The following MSMO1 variants were observed in gnomAD, a reference collection of about 807,000 sequenced individuals.
MSMO1 encodes methylsterol monooxygenase 1, also known as C-4 methylsterol oxidase.
Under a neutral mutation model 30.4 loss-of-function variants are expected in MSMO1, and 18 were observed. The ratio of observed to expected loss-of-function variants is 0.59; its 90% CI spans 0.41 to 0.88. The LOEUF (loss-of-function observed/expected upper bound fraction) is 0.88, where lower values mean the gene tolerates loss of function less well. Ranked by LOEUF, MSMO1 falls within the 40% of genes least tolerant of loss-of-function variation. The probability of loss-of-function intolerance (pLI) is 0.00; values close to 1 mark genes in which losing one functional copy is unlikely to be tolerated. For missense variants in MSMO1, 284 were observed against 340.5 expected, an observed-to-expected ratio of 0.83 and a Z score of 1.31; for synonymous variants, 84 against 107.9, an observed-to-expected ratio of 0.78 and a Z score of 1.37.
intron 2 of MSMO1, among the ~76,000 whole-genome samples, chr4:165,336,292 A>G (rs777878150): frequency 6.6e-6 from 1 of 152,046 alleles, no homozygotes; most frequent in Non-Finnish European, 1.5e-5. Flanking sequence ...TCAAAGATAA[A>G]TGTACTAAAA....
At chr4:165,329,759 C>T (rs1369871099) in intron 1 of MSMO1, among the ~76,000 whole-genome samples, 1 of 151,528 alleles carries the variant, frequency 6.6e-6, no homozygotes, top group Non-Finnish European at 1.5e-5. Flanking sequence ...CTCAGCCTCC[C>T]CAGTAGGTGG....
intron 4 of MSMO1, 34 bp downstream of exon 4, chr4:165,338,812 G>A (rs376852737): frequency 7.2e-6 from 11 of 1,527,254 alleles, no homozygotes; most frequent in African/African-American, 2.8e-5. Context: ...CTTTCTGTTA[G>A]AGGCAAAATG....
chr4:165,334,299 A>G (rs1181193446), intron 2 of MSMO1, among the ~76,000 whole-genome samples: 1 of 152,224 alleles, frequency 6.6e-6, no homozygotes, highest in East Asian at 1.9e-4. Flanking sequence ...GTCATTATTG[A>G]TAACATTTCA....
In MSMO1 at chr4:165,342,773, A is replaced by C. The variant is rs1287912449; in HGVS notation, c.*827A>C. ...TTCCAAATCAAGAAAAGCCGGCACC[A>C]AGAACTTCCATTCTAATCTAGAGCT... On this transcript the variant is annotated 3_prime_UTR_variant, in exon 6 of 6. Transcript: ENST00000261507. The C allele has an allele frequency of 6.6e-6, 1 of 152,288 alleles. No homozygotes were observed. The highest frequency in any genetic ancestry group is 1.5e-5 in the Non-Finnish European group (1 of 68,084). 9.4% of individuals were successfully genotyped at this position (152,288 alleles called of 1,614,324 possible).
chr4:165,335,527 C>T (rs994229831), intron 2 of MSMO1, among the ~76,000 whole-genome samples: 1 of 152,176 alleles, frequency 6.6e-6, no homozygotes, highest in African/African-American at 2.4e-5. Flanking sequence ...ATTGTGGCTG[C>T]CGTGTTTCAC....
intron 4 of MSMO1, among the ~76,000 whole-genome samples, chr4:165,339,826 C>T (rs181422957): frequency 9.3e-4 from 141 of 152,248 alleles, no homozygotes; most frequent in African/African-American, 1.4e-3. Context: ...TGCAAGTGTG[C>T]GGCTGTCAAG....
At chr4:165,332,667 C>G (rs1457166720) in intron 1 of MSMO1, among the ~76,000 whole-genome samples, 1 of 152,212 alleles carries the variant, frequency 6.6e-6, no homozygotes, top group Admixed American at 6.5e-5. Flanking sequence ...ATTTGCTACT[C>G]AGGCTAAAAG....
At chr4:165,328,340 A>G (rs1186683562) in intron 1 of MSMO1, among the ~76,000 whole-genome samples, 1 of 152,198 alleles carries the variant, frequency 6.6e-6, no homozygotes, top group African/African-American at 2.4e-5. Flanking sequence ...AGAGTGAAGA[A>G]GTCTGGAAGG....
intron 1 of MSMO1, among the ~76,000 whole-genome samples, chr4:165,331,931 G>GC (rs202172922): frequency 1.7e-4 from 25 of 147,454 alleles, no homozygotes; most frequent in African/African-American, 6.4e-4. Context: ...CTACCCCGCC[G>GC]CGCTCTGTCT....
At chr4:165,333,256 A>T (rs1747447977) in intron 1 of MSMO1, 84 bp from the exon 2 acceptor site, 1 of 1,141,464 alleles carries the variant, frequency 8.8e-7, no homozygotes. Flanking sequence ...TCATTTTTAA[A>T]ATGATCAGAG....
intron 1 of MSMO1, among the ~76,000 whole-genome samples, chr4:165,331,670 A>G (rs550919653): frequency 1.3e-4 from 20 of 152,290 alleles, no homozygotes; most frequent in African/African-American, 4.8e-4. Context: ...GGGGAAGGGG[A>G]CTTTTAAAGC....
At chr4:165,333,200 C>T in intron 1 of MSMO1, 140 bp from the exon 2 acceptor site, 2 of 589,006 alleles carry the variant, frequency 3.4e-6, no homozygotes, top group Non-Finnish European at 5.7e-6. Context: ...CATTTGTACT[C>T]CTTTAGTAAT....
chr4:165,331,505 A>G (rs921122286), intron 1 of MSMO1, among the ~76,000 whole-genome samples: 1 of 142,778 alleles, frequency 7.0e-6, no homozygotes, highest in Non-Finnish European at 1.6e-5. Context: ...GTAATGACAC[A>G]GGATGGAACA....
intron 3 of MSMO1, among the ~76,000 whole-genome samples, chr4:165,338,173 A>G (rs1287686421): frequency 1.3e-5 from 2 of 151,964 alleles, no homozygotes; most frequent in Non-Finnish European, 1.5e-5. Context: ...CGTCTTTTGT[A>G]TGTTTATATA....
chr4:165,333,201 C>G lies in MSMO1; in HGVS notation c.-31-139C>G, dbSNP rs3775318. On this transcript the variant is annotated intron_variant, in intron 1 of 5. Coordinates refer to ENST00000261507, the MANE Select transcript of MSMO1 (RefSeq NM_006745.5). ...AAATGGTGTAAAACCATTTGTACTC[C>G]TTTAGTAATTTTTTGGTAAAAAATT... The G allele has an allele frequency of 0.59, 346,142 of 590,456 alleles. 106,119 individuals are homozygous for G. The highest frequency in any genetic ancestry group is 0.65 in the Admixed American group (18,396 of 28,382). 36.6% of individuals were successfully genotyped at this position (590,456 alleles called of 1,614,324 possible).
At chr4:165,335,855 G>T (rs1560848745) in intron 2 of MSMO1, among the ~76,000 whole-genome samples, 1 of 152,172 alleles carries the variant, frequency 6.6e-6, no homozygotes, top group Non-Finnish European at 1.5e-5. Context: ...TCCATGCTTT[G>T]AGCATTTTTG....
In MSMO1 at chr4:165,333,514, G is replaced by T. The variant is rs746880997; in HGVS notation, c.144G>T (p.Gln48His). ...TGTTGAATAATTATACAAAGTTCCA[G>T]ATTGCAACATGGGGATCCCTTATAG... ...NYMLNNYTKF[Q>H]IATWGSLIVH... The change falls in exon 2 of 6, where the codon CAG becomes CAT. Residue 48 changes from glutamine to histidine, a missense_variant. By Grantham distance (24) the Gln-to-His change is conservative (BLOSUM62 0). Transcript: ENST00000261507. 2.5e-5 allele frequency: 40 copies of T among 1,613,586 alleles called. No homozygotes were observed. Among genetic ancestry groups the T allele is most frequent in the Non-Finnish European group, 3.3e-5 (39 of 1,179,762 alleles).
intron 3 of MSMO1, among the ~76,000 whole-genome samples, chr4:165,338,258 T>G: frequency 6.6e-6 from 1 of 150,776 alleles, no homozygotes. Flanking sequence ...TGAGAATCAT[T>G]TATGAGGTTT....
intron 1 of MSMO1, among the ~76,000 whole-genome samples, chr4:165,329,540 A>C (rs1187583699): frequency 6.6e-6 from 1 of 151,154 alleles, no homozygotes; most frequent in Non-Finnish European, 1.5e-5. Flanking sequence ...CAAGAAGAGA[A>C]GTATCAAATC....
Sources: gnomAD v4.1 joint callset for allele counts (sites outside exome capture counted in the v4.1 genomes callset) on GRCh38, gnomAD v4.1.1 for gene constraint, MANE v1.5 for transcripts, NCBI Gene and HGNC (gene_info 2026-07-23, HGNC 2026-07-21) for gene names.